Variants in DNAJC1 observed in about 807,000 individuals in gnomAD.
DNAJC1 encodes the protein dnaJ homolog subfamily C member 1.
In DNAJC1, 58 loss-of-function variants were observed where a neutral mutation model predicts 76.6. The observed-to-expected ratio is 0.76, with a 90% CI of 0.61 to 0.94. The LOEUF is 0.94. DNAJC1 is among the 40% of genes least tolerant of loss of function. DNAJC1 has a pLI of 0.00. For synonymous variants in DNAJC1, 258 were observed against 267.9 expected, an observed-to-expected ratio of 0.96 and a Z score of 0.36; for missense variants, 689 against 677.3, an observed-to-expected ratio of 1.02 and a Z score of -0.19.
At chr10:21,922,653 C>T (rs1189774381) in intron 3 of DNAJC1, among the ~76,000 whole-genome samples, 1 of 151,890 alleles carries the variant, frequency 6.6e-6, no homozygotes, top group African/African-American at 2.4e-5. Context: ...CTTATAAATA[C>T]TGATTCATTT....
chr10:21,908,194 ATT>A (rs1445514250), intron 6 of DNAJC1, among the ~76,000 whole-genome samples: 2 of 103,042 alleles, frequency 1.9e-5, no homozygotes, highest in African/African-American at 8.0e-5. Context: ...AAAAATATAT[ATT>A]ATATATATAA....
At chr10:21,867,591 C>T (rs114914389) in intron 8 of DNAJC1, among the ~76,000 whole-genome samples, 3,429 of 152,140 alleles carry the variant, frequency 0.023, 90 homozygotes, top group Middle Eastern at 0.048. Flanking sequence ...GAAATAGCTG[C>T]AGCTAGGGAC....
chr10:21,915,221 C>A (rs1339941970), intron 6 of DNAJC1, among the ~76,000 whole-genome samples: 1 of 152,180 alleles, frequency 6.6e-6, no homozygotes, highest in Non-Finnish European at 1.5e-5. Flanking sequence ...ACTAAGCAGG[C>A]AACAGGAGTT....
chr10:21,938,237 AAAC>A (rs1475132569), intron 1 of DNAJC1, among the ~76,000 whole-genome samples: 1 of 152,092 alleles, frequency 6.6e-6, no homozygotes, highest in East Asian at 1.9e-4. Flanking sequence ...TTAAAGTAAA[AAAC>A]AAATCTCTAG....
At chr10:21,776,746 C>A (rs1486615564) in intron 9 of DNAJC1, among the ~76,000 whole-genome samples, 1 of 152,086 alleles carries the variant, frequency 6.6e-6, no homozygotes, top group East Asian at 1.9e-4. Context: ...TAATAATGTT[C>A]ATCTTAACTT....
intron 9 of DNAJC1, among the ~76,000 whole-genome samples, chr10:21,783,846 CAT>C (rs897621554): frequency 5.5e-4 from 83 of 152,218 alleles, no homozygotes; most frequent in Middle Eastern, 3.4e-3. Flanking sequence ...ACTGGCTAGC[CAT>C]ATGTAGAAAG....
intron 8 of DNAJC1, among the ~76,000 whole-genome samples, chr10:21,839,272 G>A (rs528860222): frequency 6.6e-6 from 1 of 152,172 alleles, no homozygotes; most frequent in African/African-American, 2.4e-5. Context: ...GAAGGAAATA[G>A]AGACACAAAA....
chr10:21,995,211 T>C (rs7089656), intron 1 of DNAJC1, among the ~76,000 whole-genome samples: 1 of 151,926 alleles, frequency 6.6e-6, no homozygotes, highest in Non-Finnish European at 1.5e-5. Flanking sequence ...AGTCCTTAAG[T>C]ATTGACTAGA....
intron 1 of DNAJC1, among the ~76,000 whole-genome samples, chr10:21,963,016 G>A (rs1244380867): frequency 1.3e-5 from 2 of 152,106 alleles, no homozygotes; most frequent in Non-Finnish European, 2.9e-5. Context: ...CAATCAGTTG[G>A]TTGAAAGACA....
chr10:21,936,464 A>G (rs1837314089), intron 1 of DNAJC1, among the ~76,000 whole-genome samples: 1 of 152,250 alleles, frequency 6.6e-6, no homozygotes, highest in Non-Finnish European at 1.5e-5. Flanking sequence ...AGACAGTTAC[A>G]TAAGGCAGTA....
intron 10 of DNAJC1, among the ~76,000 whole-genome samples, chr10:21,761,057 G>A (rs1834234587): frequency 6.6e-6 from 1 of 152,096 alleles, no homozygotes; most frequent in Non-Finnish European, 1.5e-5. Flanking sequence ...GCGCATGCCT[G>A]TCATCCCAAC....
At chr10:21,876,114 A>T (rs1055075767) in intron 8 of DNAJC1, among the ~76,000 whole-genome samples, 9 of 151,524 alleles carry the variant, frequency 5.9e-5, no homozygotes, top group Non-Finnish European at 8.8e-5. Context: ...AAAAAACGTT[A>T]ATTTTTTTTT....
chr10:21,959,758 C>T (rs1432786845), intron 1 of DNAJC1, among the ~76,000 whole-genome samples: 1 of 148,644 alleles, frequency 6.7e-6, no homozygotes, highest in East Asian at 2.0e-4. Context: ...TTCACTTCAG[C>T]CTAGGCGACA....
At chr10:21,810,436 T>C (rs183755627) in intron 8 of DNAJC1, among the ~76,000 whole-genome samples, 1 of 152,300 alleles carries the variant, frequency 6.6e-6, no homozygotes, top group East Asian at 1.9e-4. Context: ...CAAGTATGCA[T>C]GCCTCGCCCT....
intron 1 of DNAJC1, among the ~76,000 whole-genome samples, chr10:21,941,671 T>C (rs962293425): frequency 2.0e-5 from 3 of 152,152 alleles, no homozygotes; most frequent in African/African-American, 4.8e-5. Context: ...AAAGTATAAA[T>C]AGTGAACAAT....
chr10:21,783,291 C>T (rs889925534), intron 9 of DNAJC1, among the ~76,000 whole-genome samples: 1 of 152,200 alleles, frequency 6.6e-6, no homozygotes, highest in Non-Finnish European at 1.5e-5. Flanking sequence ...TGAGTGAACA[C>T]CCATTCACAA....
intron 7 of DNAJC1, among the ~76,000 whole-genome samples, chr10:21,902,638 A>T (rs1836677725): frequency 1.3e-5 from 2 of 152,130 alleles, no homozygotes; most frequent in Non-Finnish European, 2.9e-5. Flanking sequence ...TGAGAATTAC[A>T]TCAAACTCTT....
intron 1 of DNAJC1, among the ~76,000 whole-genome samples, chr10:21,964,232 T>C (rs1837849776): frequency 6.6e-6 from 1 of 152,212 alleles, no homozygotes; most frequent in African/African-American, 2.4e-5. Flanking sequence ...TTTATTTTTT[T>C]TAGACAGGGT....
intron 7 of DNAJC1, among the ~76,000 whole-genome samples, chr10:21,888,963 T>C (rs528654792): frequency 3.9e-5 from 6 of 152,270 alleles, no homozygotes; most frequent in African/African-American, 1.4e-4. Context: ...CCTGAAAGTT[T>C]AAAAAATACA....
Sources: gnomAD v4.1 joint callset for allele counts (sites outside exome capture counted in the v4.1 genomes callset) on GRCh38, gnomAD v4.1.1 for gene constraint, MANE v1.5 for transcripts, NCBI Gene and HGNC (gene_info 2026-07-23, HGNC 2026-07-21) for gene names.